The following CEP192 variants were observed in gnomAD, a reference collection of about 807,000 sequenced individuals.
The protein encoded by CEP192 is centrosomal protein of 192 kDa.
Under a neutral mutation model 271.8 loss-of-function variants are expected in CEP192, and 151 were observed. The observed-to-expected ratio is 0.56, with a 90% CI of 0.49 to 0.64. The LOEUF (loss-of-function observed/expected upper bound fraction) is 0.64. Among genes scored for constraint, CEP192 ranks in the 30% least tolerant of loss-of-function variants. CEP192 has a pLI of 0.00. For synonymous variants in CEP192, 995 were observed against 1,076.5 expected (o/e 0.92, Z 1.48); for missense variants, 2,910 against 3,020.5 (o/e 0.96, Z 0.86).
intron 30 of CEP192, among the ~76,000 whole-genome samples, chr18:13,079,426 A>C (rs1016489842): frequency 6.6e-6 from 1 of 152,186 alleles, no homozygotes; most frequent in Admixed American, 6.5e-5. Flanking sequence ...TTGGCTGCAT[A>C]AATGTCTTCT....
chr18:13,025,585 C>G (rs1214615225), intron 9 of CEP192, among the ~76,000 whole-genome samples: 1 of 152,090 alleles, frequency 6.6e-6, no homozygotes, highest in Non-Finnish European at 1.5e-5. Flanking sequence ...AGATATAATT[C>G]TTTTTTGTCC....
chr18:13,029,765 G>C lies in CEP192; in HGVS notation c.1153G>C (p.Asp385His), dbSNP rs749330938. The C allele has an allele frequency of 3.9e-6, 6 of 1,551,502 alleles. No homozygotes were observed. The African/African-American group carries it at 6.8e-5, about 18-fold the overall frequency. ...TGCAAATGCCAATAGAGGTGGTTTT[G>C]ATCTGACTGACCCTGTAAAACAGGG... ...HDANANRGGF[D>H]LTDPVKQGAE... is the part of the protein sequence containing the mutation. Residue 385 changes from aspartate to histidine, a missense_variant, in exon 10 of 45, where the codon GAT becomes CAT. Transcript: ENST00000506447.
At chr18:13,104,898 T>G in intron 39 of CEP192, 86 bp from the exon 40 acceptor site, 1 of 996,318 alleles carries the variant, frequency 1.0e-6, no homozygotes, top group Non-Finnish European at 1.6e-6. Flanking sequence ...TGGTGTGTTC[T>G]CCGCAGCCAT....
At chr18:13,038,339 G>A in intron 12 of CEP192, 31 bp from the exon 13 acceptor site, 4 of 1,502,066 alleles carry the variant, frequency 2.7e-6, no homozygotes, top group Non-Finnish European at 3.6e-6. Context: ...CTTGCTGGGG[G>A]AAAGAAACGA....
In CEP192 at chr18:13,071,251, C is replaced by T; in HGVS notation, c.5348+39C>T. 4 of 1,545,934 alleles carry T rather than the reference C, an allele frequency of 2.6e-6. No homozygotes were observed. The South Asian group carries it at 3.4e-5, about 13-fold the overall frequency. On this transcript the variant is annotated intron_variant, in intron 28 of 44. Transcript: ENST00000506447. ...ACTGACAAATCGTCCACTATTTATACATATTTTGGAGCAGACTACAAATTA... is the reference window on the plus strand; with the variant it reads ...ACTGACAAATCGTCCACTATTTATATATATTTTGGAGCAGACTACAAATTA...
rs1408039730 is a variant in CEP192 at position 13,089,518 on chromosome 18, A to G, written c.6056A>G (p.Asn2019Ser). The stretch of plus-strand genomic sequence containing the variant: ...CTTCCAGAACATAGTGTGCTTCAAA[A>G]CATTAATTTTGTTGAAGCATTTCAA... The part of the protein sequence containing the change: ...QILPEHSVLQ[N>S]INFVEAFQDE... The change falls in exon 33 of 45, where the codon AAC becomes AGC. Residue 2019 changes from asparagine to serine, a missense_variant. Transcript: ENST00000506447. 6.2e-7 allele frequency: 1 copy of G among 1,606,628 alleles called. No homozygotes were observed. The highest frequency in any genetic ancestry group is 1.7e-5 in the Admixed American group (1 of 58,652).
intron 9 of CEP192, among the ~76,000 whole-genome samples, chr18:13,019,669 AT>A (rs2010387685): frequency 6.6e-6 from 1 of 151,920 alleles, no homozygotes; most frequent in Non-Finnish European, 1.5e-5. Flanking sequence ...ATGTAGGTTA[AT>A]TTTTTCTCAC....
intron 9 of CEP192, among the ~76,000 whole-genome samples, chr18:13,027,521 T>C (rs1314627745): frequency 6.6e-6 from 1 of 152,180 alleles, no homozygotes; most frequent in African/African-American, 2.4e-5. Context: ...CTTGGGAGTA[T>C]ATCCCCTGGT....
At chr18:12,993,864 A>G (rs1280523295) in intron 1 of CEP192, among the ~76,000 whole-genome samples, 3 of 152,234 alleles carry the variant, frequency 2.0e-5, no homozygotes, top group Non-Finnish European at 4.4e-5. Context: ...TAGACACAGT[A>G]TCAGCAAACT....
At chr18:13,099,334 C>G in intron 36 of CEP192, 142 bp from the exon 37 acceptor site, 1 of 537,150 alleles carries the variant, frequency 1.9e-6, no homozygotes, top group Non-Finnish European at 3.2e-6. Context: ...ATGTGGGAGC[C>G]GCATGGGAGT....
intron 18 of CEP192, among the ~76,000 whole-genome samples, chr18:13,055,374 C>T (rs143043503): frequency 9.2e-5 from 14 of 152,162 alleles, no homozygotes; most frequent in East Asian, 1.9e-4. Flanking sequence ...CCTGCTGAGC[C>T]GCCGCCTGAC....
At chr18:13,020,832 A>G (rs1377466592) in intron 9 of CEP192, among the ~76,000 whole-genome samples, 1 of 152,154 alleles carries the variant, frequency 6.6e-6, no homozygotes, top group Non-Finnish European at 1.5e-5. Context: ...TGACAGTGAT[A>G]TTGAACATCT....
rs574030180 is a variant in CEP192 at position 13,046,829 on chromosome 18, C to CTTTT, written c.2068-2015_2068-2012dup. Among the ~76,000 whole-genome samples the CTTTT allele has an allele frequency of 9.8e-5, 12 of 122,364 alleles. No individual in the cohort carries two copies. The East Asian group carries it at 1.2e-3, about 12-fold the overall frequency. The allele number at this position is 122,364 out of a possible 152,430, so 80.3% of individuals were successfully genotyped here. On this transcript the variant is annotated intron_variant, in intron 15 of 44. Coordinates refer to ENST00000506447, the MANE Select transcript of CEP192 (RefSeq NM_032142.4). Reference sequence around the variant, plus strand: ...GTTTTCTTCTTAAAGAATATCCTTACTTTTTTTTTTTTTTTTTTGTAAGGG... The same window carrying CTTTT: ...GTTTTCTTCTTAAAGAATATCCTTACTTTTTTTTTTTTTTTTTTTTTTGTAAGGG...
intron 38 of CEP192, 142 bp from the exon 39 acceptor site, chr18:13,103,367 A>G: frequency 1.6e-6 from 1 of 639,926 alleles, no homozygotes; most frequent in Non-Finnish European, 2.8e-6. Context: ...TAAAGAAAAT[A>G]CTGTGGTTCT....
chr18:13,087,159 C>T lies in CEP192; in HGVS notation c.5759C>T (p.Ser1920Phe). The change falls in exon 31 of 45, where the codon TCC (serine) becomes TTC (phenylalanine). Residue 1920 changes from serine to phenylalanine, a missense_variant. Transcript: ENST00000506447. ...GTTTTTTCTGTCCGCAACACTGGCT[C>T]CCGAGCAGCTTTTGTTAAAGCAGTA... ...KIVFSVRNTGSRAAFVKAVGF... is the reference protein window; with the variant it reads ...KIVFSVRNTGFRAAFVKAVGF... 6.2e-7 allele frequency: 1 copy of T among 1,614,078 alleles called. No homozygotes were observed. Among genetic ancestry groups the T allele is most frequent in the Non-Finnish European group, 8.5e-7 (1 of 1,180,008 alleles).
At chr18:13,079,082 T>C (rs1007032384) in intron 30 of CEP192, among the ~76,000 whole-genome samples, 2 of 152,222 alleles carry the variant, frequency 1.3e-5, no homozygotes, top group African/African-American at 4.8e-5. Flanking sequence ...TTGTGAATAG[T>C]GCCGCAATAA....
chr18:13,034,479 C>A (rs1388316159), intron 11 of CEP192, among the ~76,000 whole-genome samples: 1 of 152,050 alleles, frequency 6.6e-6, no homozygotes, highest in Non-Finnish European at 1.5e-5. Flanking sequence ...GAAAATTTGC[C>A]TACTTATAAA....
At chr18:13,018,788 T>A (rs1238028844) in intron 8 of CEP192, among the ~76,000 whole-genome samples, 173 bp downstream of exon 8, 7 of 152,188 alleles carry the variant, frequency 4.6e-5, no homozygotes, top group Non-Finnish European at 1.5e-5. Context: ...CTGAGTAAAT[T>A]AGTGTTACTA....
chr18:13,112,086 CAT>C (rs1349470845), intron 40 of CEP192, among the ~76,000 whole-genome samples: 1 of 152,206 alleles, frequency 6.6e-6, no homozygotes, highest in Non-Finnish European at 1.5e-5. Context: ...ATAAGCCAAA[CAT>C]AGAATTACTG....
Sources: gnomAD v4.1 joint callset for allele counts (sites outside exome capture counted in the v4.1 genomes callset) on GRCh38, gnomAD v4.1.1 for gene constraint, MANE v1.5 for transcripts, NCBI Gene and HGNC (gene_info 2026-07-23, HGNC 2026-07-21) for gene names.